Variants in MMAA observed in about 807,000 individuals in gnomAD.
MMAA encodes metabolism of cobalamin associated A, also known as methylmalonic aciduria type A protein, mitochondrial.
Under a neutral mutation model 45.0 loss-of-function variants are expected in MMAA, and 41 were observed. That is an observed-to-expected ratio of 0.91 (90% CI 0.71 to 1.18). The LOEUF is 1.18. MMAA is among the 50% of genes most tolerant of loss of function. The pLI, the probability that MMAA is intolerant of heterozygous loss-of-function variation, is 0.00. For missense variants in MMAA, 460 were observed against 495.7 expected, an observed-to-expected ratio of 0.93 and a Z score of 0.68; for synonymous variants, 154 against 178.2, an observed-to-expected ratio of 0.86 and a Z score of 1.08.
intron 1 of MMAA, among the ~76,000 whole-genome samples, chr4:145,636,190 G>T (rs570004432): frequency 2.6e-5 from 4 of 152,252 alleles, no homozygotes; most frequent in African/African-American, 9.6e-5. Context: ...TTAAGCAATT[G>T]CAGTGTGCCA....
At chr4:145,625,816 C>T (rs1396732975) in intron 1 of MMAA, 3 of 1,151,614 alleles carry the variant, frequency 2.6e-6, no homozygotes, top group Non-Finnish European at 2.6e-6. Context: ...ATGAGGTCCA[C>T]CTGTTCATTT....
chr4:145,629,701 A>G (rs990574427), intron 1 of MMAA, among the ~76,000 whole-genome samples: 1 of 152,226 alleles, frequency 6.6e-6, no homozygotes, highest in Non-Finnish European at 1.5e-5. Flanking sequence ...GAGGCTTCAC[A>G]GTCATGGCGG....
rs566474064 is a variant in MMAA, at chr4:145,649,985, G to A, written c.734-1077G>A. On this transcript the variant is annotated intron_variant, in intron 4 of 6. Coordinates refer to ENST00000649156, the MANE Select transcript of MMAA (RefSeq NM_172250.3). ...GAGACAGGGTCTCACTACATCACCCGGGCTGGAAGACAGTTTTAAGTGGGG... is the reference window on the plus strand; with the variant it reads ...GAGACAGGGTCTCACTACATCACCCAGGCTGGAAGACAGTTTTAAGTGGGG... Among the ~76,000 whole-genome samples, 6 of 152,210 alleles carry A rather than the reference G, an allele frequency of 3.9e-5. No individual in the cohort carries two copies. In the South Asian group the frequency reaches 8.3e-4, roughly 21 times the overall value.
Position 145,624,974 on chromosome 4 carries a change from T to C in MMAA, c.-66+5567T>C, listed in dbSNP as rs888442836. The C allele has an allele frequency of 2.1e-5, 22 of 1,052,640 alleles. No homozygotes were observed. In the Admixed American group the frequency reaches 3.7e-4, roughly 17 times the overall value. The allele number at this position is 1,052,640 out of a possible 1,614,324, so 65.2% of individuals were successfully genotyped here. On this transcript the variant is annotated intron_variant, in intron 1 of 6. Coordinates refer to ENST00000649156, the MANE Select transcript of MMAA (RefSeq NM_172250.3). ...ACCTTTGGGCTGGTTTCCCTGACAG[T>C]TGGTACAGGAGTCAGTCTTGACAAG...
At chr4:145,649,264 C>T (rs1039802476) in intron 4 of MMAA, among the ~76,000 whole-genome samples, 1 of 152,198 alleles carries the variant, frequency 6.6e-6, no homozygotes, top group African/African-American at 2.4e-5. Flanking sequence ...TGCCATTGCA[C>T]TCTAGCCTGG....
At chr4:145,643,985 A>G (rs1449739829) in intron 3 of MMAA, among the ~76,000 whole-genome samples, 5 of 152,216 alleles carry the variant, frequency 3.3e-5, no homozygotes, top group Non-Finnish European at 7.4e-5. Context: ...ATACAAGGAT[A>G]GACAAAACAC....
intron 4 of MMAA, chr4:145,646,653 T>C (rs760292467): frequency 1.5e-4 from 26 of 167,972 alleles, no homozygotes; most frequent in Middle Eastern, 2.8e-3. Flanking sequence ...TATATTACTG[T>C]GGGATAAATG....
At chr4:145,625,121 TTCATC>T in intron 1 of MMAA, 3 of 1,124,600 alleles carry the variant, frequency 2.7e-6, no homozygotes, top group Non-Finnish European at 4.1e-6. Context: ...ATCTGATAGG[TTCATC>T]TCATCTCGAT....
chr4:145,633,203 T>C (rs1012309874), intron 1 of MMAA, among the ~76,000 whole-genome samples: 2 of 145,184 alleles, frequency 1.4e-5, no homozygotes, highest in African/African-American at 2.6e-5. Flanking sequence ...TTTCTTTTTT[T>C]TTTTTTTTTT....
chr4:145,633,302 G>A (rs1174172648), intron 1 of MMAA, among the ~76,000 whole-genome samples: 1 of 145,220 alleles, frequency 6.9e-6, no homozygotes, highest in East Asian at 2.1e-4. Context: ...AGGTTCAAGT[G>A]ATTCTTTTGT....
At chr4:145,619,472 C>G (rs1317479050) in intron 1 of MMAA, 65 bp downstream of exon 1, 1 of 152,296 alleles carries the variant, frequency 6.6e-6, no homozygotes, top group Non-Finnish European at 1.5e-5. Context: ...CGGCCGCCCT[C>G]CCGCCGGGGG....
At chr4:145,640,480 G>A (rs1727752890) in intron 2 of MMAA, among the ~76,000 whole-genome samples, 1 of 151,896 alleles carries the variant, frequency 6.6e-6, no homozygotes, top group African/African-American at 2.4e-5. Context: ...ATCATGCTTG[G>A]CTCCAATATC....
chr4:145,625,262 T>C, intron 1 of MMAA: 1 of 842,208 alleles, frequency 1.2e-6, no homozygotes, highest in South Asian at 1.3e-5. Flanking sequence ...GAGGAGCAAG[T>C]TTTCTAAGCC....
intron 1 of MMAA, chr4:145,624,396 G>C: frequency 1.3e-6 from 1 of 782,382 alleles, no homozygotes; most frequent in Non-Finnish European, 2.3e-6. Context: ...CCAGTCAGCT[G>C]TGTTAAAGGA....
Position 145,639,188 on chromosome 4 carries a change from T to A in MMAA, c.49T>A (p.Leu17Ile). ...HPHQHFLKGL[L>I]RAPFRCYHFI... ...TCACCAGCATTTCCTAAAAGGCCTT[T>A]TAAGAGCACCTTTCCGATGTTACCA... Residue 17 changes from leucine to isoleucine, a missense_variant, in exon 2 of 7, where the codon TTA becomes ATA. Physicochemically the swap from Leu to Ile is conservative, Grantham distance 5 (BLOSUM62 2). Coordinates refer to ENST00000649156, the MANE Select transcript of MMAA (RefSeq NM_172250.3). The A allele has an allele frequency of 6.2e-7, 1 of 1,614,192 alleles. No individual in the cohort carries two copies. The highest frequency in any genetic ancestry group is 8.5e-7 in the Non-Finnish European group (1 of 1,180,036).
intron 3 of MMAA, 152 bp downstream of exon 3, chr4:145,642,637 GAGA>G (rs1372416582): frequency 1.8e-6 from 2 of 1,116,058 alleles, no homozygotes; most frequent in Non-Finnish European, 2.7e-6. Context: ...TGGAAGCTGA[GAGA>G]AGTAGTTTGG....
chr4:145,651,341 C>T (rs559790918), intron 5 of MMAA, among the ~76,000 whole-genome samples, 194 bp downstream of exon 5: 1 of 152,240 alleles, frequency 6.6e-6, no homozygotes, highest in South Asian at 2.1e-4. Context: ...GAATATGTGT[C>T]CTTGAGAATG....
At chr4:145,646,200 A>G in intron 4 of MMAA, 44 bp downstream of exon 4, 1 of 1,609,728 alleles carries the variant, frequency 6.2e-7, no homozygotes, top group Non-Finnish European at 8.5e-7. Flanking sequence ...TATTTTATGA[A>G]TGCTATATAA....
chr4:145,637,110 T>A (rs977868758), intron 1 of MMAA, among the ~76,000 whole-genome samples: 1 of 152,232 alleles, frequency 6.6e-6, no homozygotes, highest in African/African-American at 2.4e-5. Flanking sequence ...GTACCATTGC[T>A]ATAGTCACCA....
Sources: gnomAD v4.1 joint callset for allele counts (sites outside exome capture counted in the v4.1 genomes callset) on GRCh38, gnomAD v4.1.1 for gene constraint, MANE v1.5 for transcripts, NCBI Gene and HGNC (gene_info 2026-07-23, HGNC 2026-07-21) for gene names.